Variants in IL1RL2 observed in about 807,000 individuals in gnomAD.
The protein encoded by IL1RL2 is interleukin 1 receptor like 2, also known as interleukin-1 receptor-like 2.
A neutral mutation model predicts 66.8 loss-of-function variants in IL1RL2; 68 were observed. The observed-to-expected ratio is 1.02, with a 90% CI of 0.84 to 1.25. IL1RL2 has a LOEUF of 1.25. IL1RL2 is among the 50% of genes most tolerant of loss of function. IL1RL2 has a pLI of 0.00. For missense variants in IL1RL2, 729 were observed against 709.3 expected (o/e 1.03, Z -0.32); for synonymous variants, 305 against 264.6 (o/e 1.15, Z -1.48).
At position 102,187,729 on chromosome 2, in the gene IL1RL2, T is replaced by C. The variant is rs1399622472; in HGVS notation, c.-12-127T>C. On this transcript the variant is annotated intron_variant, in intron 1 of 11. Coordinates refer to ENST00000264257, the MANE Select transcript of IL1RL2 (RefSeq NM_003854.4). ...AAACGTGGGGCCAAAGTCGGAGGGC[T>C]CCCCAGGAAAAAGGGAAGGTCAGCG... is the stretch of plus-strand genomic sequence containing the variant. The C allele has an allele frequency of 5.0e-6, 4 of 797,468 alleles. No homozygotes were observed. The Admixed American group carries it at 5.9e-5, about 12-fold the overall frequency. 49.4% of individuals were successfully genotyped at this position (797,468 alleles called of 1,614,324 possible).
chr2:102,187,414 G>A, intron 1 of IL1RL2: 1 of 1,115,486 alleles, frequency 9.0e-7, no homozygotes, highest in Non-Finnish European at 1.1e-6. Context: ...GGCTCGGGTG[G>A]ATCCCGAGGA....
chr2:102,240,823 A>G (rs185096140), downstream of IL1RL2, among the ~76,000 whole-genome samples: 1 of 152,382 alleles, frequency 6.6e-6, no homozygotes, highest in African/African-American at 2.4e-5. Context: ...GGATAGTAGA[A>G]GTGAACATAA....
chr2:102,194,339 A>G (rs569210980), intron 4 of IL1RL2, among the ~76,000 whole-genome samples: 179 of 152,178 alleles, frequency 1.2e-3, no homozygotes, highest in Non-Finnish European at 2.1e-3. Context: ...GTACTATTTC[A>G]TTATTATTAT....
In IL1RL2 at chr2:102,232,371, C is replaced by T. The variant is rs1691213653; in HGVS notation, c.1136-592C>T. ...CAGGTGATCCACCTGCTTTGGCCTCCCAAAGTGCTGGGATTACAGGCATGA... is the reference window on the plus strand; with the variant it reads ...CAGGTGATCCACCTGCTTTGGCCTCTCAAAGTGCTGGGATTACAGGCATGA... On this transcript the variant is annotated intron_variant, in intron 9 of 11. Transcript: ENST00000264257. 2.0e-5 allele frequency among the ~76,000 whole-genome samples: 3 copies of T among 152,040 alleles called. No homozygotes were observed. The South Asian group carries it at 6.2e-4, about 31-fold the overall frequency.
At chr2:102,187,347 G>C in intron 1 of IL1RL2, 1 of 1,166,076 alleles carries the variant, frequency 8.6e-7, no homozygotes, top group Non-Finnish European at 1.1e-6. Flanking sequence ...TGCCAGGTAG[G>C]CCTGCCCTGG....
intron 8 of IL1RL2, among the ~76,000 whole-genome samples, chr2:102,225,296 C>A (rs74877962): frequency 6.6e-6 from 1 of 152,208 alleles, no homozygotes; most frequent in African/African-American, 2.4e-5. Context: ...CTGTGCCTCT[C>A]GCACAGGCAC....
chr2:102,230,139 A>C (rs1690991035), intron 9 of IL1RL2, among the ~76,000 whole-genome samples: 1 of 152,154 alleles, frequency 6.6e-6, no homozygotes, highest in Non-Finnish European at 1.5e-5. Context: ...CCGAGCATCA[A>C]CTCACCCAGC....
At chr2:102,197,462 G>A (rs1559532131) in intron 4 of IL1RL2, among the ~76,000 whole-genome samples, 1 of 152,202 alleles carries the variant, frequency 6.6e-6, no homozygotes. Flanking sequence ...AGATAGAAAA[G>A]TGAGTTGAAT....
At chr2:102,241,338 A>T (rs892941391), downstream of IL1RL2, among the ~76,000 whole-genome samples, 2 of 152,168 alleles carry the variant, frequency 1.3e-5, no homozygotes, top group African/African-American at 4.8e-5. Flanking sequence ...TAGGGATTTC[A>T]GAGAGGTGGC....
chr2:102,201,218 A>G (rs1688224229), intron 4 of IL1RL2, among the ~76,000 whole-genome samples: 1 of 152,202 alleles, frequency 6.6e-6, no homozygotes, highest in African/African-American at 2.4e-5. Flanking sequence ...CAACTCACGT[A>G]GGCCACTCTC....
At chr2:102,201,291 T>C (rs1415135803) in intron 4 of IL1RL2, among the ~76,000 whole-genome samples, 2 of 152,126 alleles carry the variant, frequency 1.3e-5, no homozygotes, top group African/African-American at 4.8e-5. Flanking sequence ...ATATCCTTTG[T>C]CAAATCTGTG....
rs200826273 is a variant in IL1RL2 at position 102,219,899 on chromosome 2, G to C, written c.873G>C (p.Arg291=). ...TTTATAGAACCCATGTCTCTTTTCG[G>C]GAACATAATTTGTACACAGTAAACA... ...REGVETHVSF[R]EHNLYTVNIT... is the part of the protein sequence containing the mutation. Residue 291 remains arginine, a synonymous_variant, in exon 8 of 12, where the codon CGG becomes CGC. Coordinates refer to ENST00000264257, the MANE Select transcript of IL1RL2 (RefSeq NM_003854.4). The C allele has an allele frequency of 6.2e-7, 1 of 1,610,832 alleles. No homozygotes were observed. Among genetic ancestry groups the C allele is most frequent in the East Asian group, 2.2e-5 (1 of 44,816 alleles).
intron 1 of IL1RL2, 44 bp from the exon 2 acceptor site, chr2:102,187,812 C>G (rs1559522136): frequency 6.5e-7 from 1 of 1,534,130 alleles, no homozygotes; most frequent in Admixed American, 1.7e-5. Flanking sequence ...TCGGGCCCGC[C>G]CTACTGCGTC....
chr2:102,197,837 G>T (rs947023530), intron 4 of IL1RL2, among the ~76,000 whole-genome samples: 6 of 152,106 alleles, frequency 3.9e-5, no homozygotes, highest in African/African-American at 1.4e-4. Context: ...TTGCATAAGC[G>T]GCAACTCCTG....
Position 102,212,188 on chromosome 2 carries a change from T to C in IL1RL2, c.724+14T>C, listed in dbSNP as rs1689228565. The C allele has an allele frequency of 6.4e-7, 1 of 1,558,528 alleles. No individual in the cohort carries two copies. Among genetic ancestry groups the C allele is most frequent in the Non-Finnish European group, 8.9e-7 (1 of 1,129,802 alleles). ...AAGTACAGCTTGGTGAGTAAAATTATTGAAGCCATTGAAATCACCAGGGGA... is the reference window on the plus strand; with the variant it reads ...AAGTACAGCTTGGTGAGTAAAATTACTGAAGCCATTGAAATCACCAGGGGA... On this transcript the variant is annotated intron_variant, in intron 6 of 11. Transcript: ENST00000264257.
Position 102,238,948 on chromosome 2 carries a change from C to T in IL1RL2, c.1679-244C>T, listed in dbSNP as rs963896328. 4.6e-5 allele frequency among the ~76,000 whole-genome samples: 7 copies of T among 152,250 alleles called. No individual in the cohort carries two copies. In the South Asian group the frequency reaches 8.3e-4, roughly 18 times the overall value. Reference sequence around the variant, plus strand: ...AGGACCTCAGAGCCCTGGCTCTTGTCATCCAAATTCACCTTTCCTCTGGGG... The same window carrying T: ...AGGACCTCAGAGCCCTGGCTCTTGTTATCCAAATTCACCTTTCCTCTGGGG... On this transcript the variant is annotated intron_variant, in intron 11 of 11. Coordinates refer to ENST00000264257, the MANE Select transcript of IL1RL2 (RefSeq NM_003854.4).
In IL1RL2 at chr2:102,220,000, T is replaced by A. The variant is rs373518452; in HGVS notation, c.974T>A (p.Ile325Asn). 17 of 1,612,420 alleles carry A rather than the reference T, an allele frequency of 1.1e-5. No individual in the cohort carries two copies. The highest frequency in any genetic ancestry group is 1.4e-5 in the Non-Finnish European group (17 of 1,178,644). ...CACGCTGGAGTGTCCACAGCATACA[T>A]TATATTACAGCTCCCAGGTAATACT... ...MCHAGVSTAY[I>N]ILQLPAPDFR... The change falls in exon 8 of 12, where the codon ATT (isoleucine) becomes AAT (asparagine). Residue 325 changes from isoleucine to asparagine, a missense_variant. Ile to Asn is a moderately radical substitution (Grantham distance 149, BLOSUM62 -3). Coordinates refer to ENST00000264257, the MANE Select transcript of IL1RL2 (RefSeq NM_003854.4).
intron 5 of IL1RL2, among the ~76,000 whole-genome samples, chr2:102,206,338 G>C (rs1688697514): frequency 6.6e-6 from 1 of 152,048 alleles, no homozygotes. Context: ...TTAAAAGTTA[G>C]GTATTTATTG....
downstream of IL1RL2, among the ~76,000 whole-genome samples, chr2:102,241,749 C>A (rs1391485576): frequency 6.6e-6 from 1 of 152,202 alleles, no homozygotes; most frequent in Non-Finnish European, 1.5e-5. Context: ...GATTAGATAA[C>A]CCACCCAGGG....
Sources: allele counts gnomAD v4.1 joint callset (sites outside exome capture counted in the v4.1 genomes callset), GRCh38; gene constraint gnomAD v4.1.1; transcripts MANE v1.5; gene names NCBI Gene and HGNC (gene_info 2026-07-23, HGNC 2026-07-21).